Variants in PTPRA observed in about 807,000 individuals in gnomAD.
PTPRA encodes the protein receptor-type tyrosine-protein phosphatase alpha.
In PTPRA, 25 loss-of-function variants were observed where a neutral mutation model predicts 104.8. That is an observed-to-expected ratio of 0.24 (90% CI 0.17 to 0.33). The LOEUF is 0.33. Ranked by LOEUF, PTPRA falls within the 10% of genes least tolerant of loss-of-function variation. The pLI is 1.00. For missense variants in PTPRA, 765 were observed against 1,015.3 expected (o/e 0.75, Z 3.35); for synonymous variants, 323 against 368.9 (o/e 0.88, Z 1.43).
At chr20:2,919,945 A>G (rs773527584) in intron 1 of PTPRA, among the ~76,000 whole-genome samples, 14 of 152,250 alleles carry the variant, frequency 9.2e-5, no homozygotes, top group Non-Finnish European at 1.8e-4. Flanking sequence ...TAACATTTAC[A>G]TGTTCATAAA....
intron 10 of PTPRA, among the ~76,000 whole-genome samples, chr20:3,005,517 T>C (rs534327979): frequency 6.6e-6 from 1 of 152,210 alleles, no homozygotes; most frequent in East Asian, 1.9e-4. Context: ...TGTCACTGCA[T>C]TCTAGCCTGG....
chr20:2,918,205 T>C lies in PTPRA; in HGVS notation c.-128-5002T>C, dbSNP rs148571286. ...TACGTATTCTCTTTTCCTTCTTTTT[T>C]TTAAAACGAGACAGGGTGACCAGGC... On this transcript the variant is annotated intron_variant, in intron 1 of 23. Transcript: ENST00000399903. Among the ~76,000 whole-genome samples, 7 of 152,264 alleles carry C rather than the reference T, an allele frequency of 4.6e-5. No individual in the cohort carries two copies. The East Asian group carries it at 7.7e-4, about 17-fold the overall frequency.
At chr20:2,932,917 A>G (rs1352716147) in intron 2 of PTPRA, among the ~76,000 whole-genome samples, 3 of 152,234 alleles carry the variant, frequency 2.0e-5, no homozygotes, top group South Asian at 4.1e-4. Context: ...ATTAAAAACA[A>G]TATTGGATGC....
chr20:3,001,280 G>A (rs533873499), intron 9 of PTPRA, among the ~76,000 whole-genome samples: 23 of 152,322 alleles, frequency 1.5e-4, no homozygotes, highest in African/African-American at 5.5e-4. Flanking sequence ...TCCAGGGCAA[G>A]CCCTTTCTTC....
intron 20 of PTPRA, among the ~76,000 whole-genome samples, chr20:3,029,631 G>A (rs956695466): frequency 7.2e-6 from 1 of 139,228 alleles, no homozygotes; most frequent in Non-Finnish European, 1.5e-5. Flanking sequence ...CTGCCTCCCA[G>A]GTTCTGGCAA....
At chr20:3,016,482 T>C (rs1210827225) in intron 12 of PTPRA, among the ~76,000 whole-genome samples, 1 of 152,234 alleles carries the variant, frequency 6.6e-6, no homozygotes, top group Non-Finnish European at 1.5e-5. Context: ...GCAGGGTGGC[T>C]CATGCCTGTA....
At position 3,009,232 on chromosome 20, in the gene PTPRA, T is replaced by TG. The variant is rs771319392; in HGVS notation, c.906+1813dup. On this transcript the variant is annotated intron_variant, in intron 11 of 23. Coordinates refer to ENST00000399903, the MANE Select transcript of PTPRA (RefSeq NM_001385305.1). The stretch of plus-strand genomic sequence containing the variant: ...TACCAAAGAGAGAAAGCAAAGGACA[T>TG]GTCTAGTGGGATGTCATTGATGGGG... 8.6e-5 allele frequency among the ~76,000 whole-genome samples: 13 copies of TG among 151,938 alleles called. No individual in the cohort carries two copies. The South Asian group carries it at 2.7e-3, about 32-fold the overall frequency.
At chr20:2,989,689 G>A (rs927141706) in intron 9 of PTPRA, among the ~76,000 whole-genome samples, 17 of 152,108 alleles carry the variant, frequency 1.1e-4, no homozygotes, top group African/African-American at 3.6e-4. Context: ...CATGAGAGAA[G>A]TGGCAAGCCA....
Position 3,024,459 on chromosome 20 carries a change from A to C in PTPRA, c.1465-13A>C. ...GTATGTAACCAAGAACTTCTGTGTCATTCATGTTTCAGATGCAGTATGTCT... is the reference window on the plus strand; with the variant it reads ...GTATGTAACCAAGAACTTCTGTGTCCTTCATGTTTCAGATGCAGTATGTCT... On this transcript the variant is annotated splice_polypyrimidine_tract_variant and intron_variant, in intron 16 of 23. Coordinates refer to ENST00000399903, the MANE Select transcript of PTPRA (RefSeq NM_001385305.1). 6.2e-7 allele frequency: 1 copy of C among 1,611,036 alleles called. No homozygotes were observed. The highest frequency in any genetic ancestry group is 8.5e-7 in the Non-Finnish European group (1 of 1,177,528).
At chr20:2,991,007 T>A (rs1239363573) in intron 9 of PTPRA, among the ~76,000 whole-genome samples, 1 of 152,132 alleles carries the variant, frequency 6.6e-6, no homozygotes, top group Non-Finnish European at 1.5e-5. Flanking sequence ...GGACCCTTTT[T>A]GGGGGCTATT....
At chr20:2,921,287 T>G (rs944750748) in intron 1 of PTPRA, among the ~76,000 whole-genome samples, 1 of 151,740 alleles carries the variant, frequency 6.6e-6, no homozygotes, top group Non-Finnish European at 1.5e-5. Context: ...AAGCCCATTG[T>G]CTGATCTTTT....
At chr20:2,936,039 T>C (rs1600138500) in intron 2 of PTPRA, among the ~76,000 whole-genome samples, 2 of 151,854 alleles carry the variant, frequency 1.3e-5, no homozygotes, top group African/African-American at 4.8e-5. Context: ...AAAAATCGTT[T>C]GTAGAGACAG....
At chr20:3,020,375 G>A (rs550782375) in intron 13 of PTPRA, among the ~76,000 whole-genome samples, 1 of 152,030 alleles carries the variant, frequency 6.6e-6, no homozygotes, top group African/African-American at 2.4e-5. Context: ...TGGGATTATA[G>A]GCGTGAGCCA....
In PTPRA at chr20:2,912,689, A is replaced by G. The variant is rs191422466; in HGVS notation, c.-128-10518A>G. ...AAGCTCTTTAATTTTTCGTGACCAAACTGCTATTCTCTAGACCTACACTGT... is the reference window on the plus strand; with the variant it reads ...AAGCTCTTTAATTTTTCGTGACCAAGCTGCTATTCTCTAGACCTACACTGT... On this transcript the variant is annotated intron_variant, in intron 1 of 23. Transcript: ENST00000399903. Among the ~76,000 whole-genome samples the G allele has an allele frequency of 1.1e-3, 175 of 152,300 alleles. 2 individuals carry two copies. The highest frequency in any genetic ancestry group is 3.9e-3 in the African/African-American group (164 of 41,566).
chr20:2,918,056 C>T (rs929194064), intron 1 of PTPRA, among the ~76,000 whole-genome samples: 3 of 145,880 alleles, frequency 2.1e-5, no homozygotes, highest in Non-Finnish European at 3.0e-5. Context: ...CCACTGCACT[C>T]CAGCCTGGGC....
chr20:2,901,717 A>G (rs1463238931), intron 1 of PTPRA, among the ~76,000 whole-genome samples: 1 of 152,188 alleles, frequency 6.6e-6, no homozygotes. Flanking sequence ...ATTTTACAAT[A>G]TACAATACCT....
Position 3,025,452 on chromosome 20 carries a change from CAAA to C in PTPRA, c.1614+848_1614+850del, listed in dbSNP as rs11087563. Among the ~76,000 whole-genome samples the C allele has an allele frequency of 1.5e-3, 167 of 108,436 alleles. 2 individuals carry two copies. The highest frequency in any genetic ancestry group is 2.7e-3 in the African/African-American group (82 of 29,926). 71.1% of individuals were successfully genotyped at this position (108,436 alleles called of 152,430 possible). On this transcript the variant is annotated intron_variant, in intron 17 of 23. Transcript: ENST00000399903. ...TGGGCGACAGAGCGAGACTCCATCTCAAAAAAAAAAAAAAAAAAAGTGCTTTCT... is the reference window on the plus strand; with the variant it reads ...TGGGCGACAGAGCGAGACTCCATCTCAAAAAAAAAAAAAAAAGTGCTTTCT...
chr20:2,864,423 C>T, the PTPRA span: 1 of 1,614,090 alleles, frequency 6.2e-7, no homozygotes, highest in Non-Finnish European at 8.5e-7. This position sits in a 1 kb window ranked among gnomAD's most constrained non-coding sequence, Gnocchi z 5.2. Context: ...TTTTCATGAC[C>T]CTTCGGAATC....
At chr20:2,995,486 T>C (rs927168102) in intron 9 of PTPRA, among the ~76,000 whole-genome samples, 1 of 152,188 alleles carries the variant, frequency 6.6e-6, no homozygotes, top group Non-Finnish European at 1.5e-5. Context: ...ATTCTGGTAA[T>C]GTGTGGGCAA....
Sources: gnomAD v4.1 joint callset for allele counts (sites outside exome capture counted in the v4.1 genomes callset) on GRCh38, gnomAD v4.1.1 for gene constraint, Gnocchi (gnomAD v3.1) non-coding constraint, MANE v1.5 for transcripts, NCBI Gene and HGNC (gene_info 2026-07-23, HGNC 2026-07-21) for gene names.